SLCO3A1: variants seen among roughly 807,000 people sequenced by gnomAD.
SLCO3A1 encodes solute carrier organic anion transporter family member 3A1, also known as PGE1 transporter.
SLCO3A1 carries 27 observed loss-of-function variants against 63.1 expected under a neutral mutation model. That is an observed-to-expected ratio of 0.43 (90% CI 0.32 to 0.59). The LOEUF is 0.59. SLCO3A1 is among the 20% of genes least tolerant of loss of function. SLCO3A1 has a pLI of 0.09. For missense variants in SLCO3A1, 773 were observed against 945.8 expected (o/e 0.82, Z 2.40); for synonymous variants, 473 against 409.9 (o/e 1.15, Z -1.86).
intron 2 of SLCO3A1, among the ~76,000 whole-genome samples, chr15:92,090,206 C>G (rs1374062275): frequency 6.6e-6 from 1 of 152,156 alleles, no homozygotes; most frequent in East Asian, 1.9e-4. Context: ...AAACTCAGCT[C>G]ACAAAGATGT....
chr15:91,926,396 T>G (rs1471723775), intron 2 of SLCO3A1, among the ~76,000 whole-genome samples: 4 of 152,214 alleles, frequency 2.6e-5, no homozygotes, highest in Non-Finnish European at 5.9e-5. Flanking sequence ...GCTCGTTTAT[T>G]GAATGGAAAA....
At chr15:92,068,611 GCTCCAGTCA>G (rs2047179076) in intron 2 of SLCO3A1, among the ~76,000 whole-genome samples, 1 of 152,078 alleles carries the variant, frequency 6.6e-6, no homozygotes, top group South Asian at 2.1e-4. Flanking sequence ...GGGCCACAAC[GCTCCAGTCA>G]CTTTGATCAA....
At chr15:91,932,771 C>G (rs1486638510) in intron 2 of SLCO3A1, among the ~76,000 whole-genome samples, 1 of 152,188 alleles carries the variant, frequency 6.6e-6, no homozygotes, top group African/African-American at 2.4e-5. Flanking sequence ...AAAGTTATTT[C>G]AAAACATAAT....
chr15:91,997,158 G>A (rs963816604), intron 2 of SLCO3A1, among the ~76,000 whole-genome samples: 1 of 152,130 alleles, frequency 6.6e-6, no homozygotes, highest in African/African-American at 2.4e-5. Context: ...TAAAGTTTCA[G>A]GATGCAAAAT....
chr15:91,879,508 G>A (rs763611102), intron 1 of SLCO3A1, among the ~76,000 whole-genome samples: 5 of 140,642 alleles, frequency 3.6e-5, no homozygotes, highest in East Asian at 2.7e-4. Flanking sequence ...GTATACAACC[G>A]TAGCTACTAT....
At position 91,860,952 on chromosome 15, in the gene SLCO3A1, C is replaced by T. The variant is rs7167553; in HGVS notation, c.180+6864C>T. Reference sequence around the variant, plus strand: ...CCATGGATTCATCCATCTCGGCTTACGGACATACCTTCTGCACAACACCAC... The same window carrying T: ...CCATGGATTCATCCATCTCGGCTTATGGACATACCTTCTGCACAACACCAC... On this transcript the variant is annotated intron_variant, in intron 1 of 9. Coordinates refer to ENST00000318445, the MANE Select transcript of SLCO3A1 (RefSeq NM_013272.4). The surrounding 1 kb of genome is among the most constrained non-coding windows in gnomAD (Gnocchi z 5.5). Among the ~76,000 whole-genome samples, 10,542 of 152,212 alleles carry T rather than the reference C, an allele frequency of 0.069. 1,102 individuals are homozygous for T. The highest frequency in any genetic ancestry group is 0.23 in the African/African-American group (9,381 of 41,478).
rs189878686 is a variant in SLCO3A1 at position 92,136,989 on chromosome 15, A to G, written c.1512+8500A>G. Among the ~76,000 whole-genome samples the G allele has an allele frequency of 6.5e-3, 817 of 126,624 alleles. 5 individuals are homozygous for G. The highest frequency in any genetic ancestry group is 0.022 in the African/African-American group (771 of 34,558). The allele number at this position is 126,624 out of a possible 152,430, so 83.1% of individuals were successfully genotyped here. A position where few individuals can be genotyped will look rare whatever the true frequency, so the allele number is the denominator to read the frequency against. ...CTGTCTTTTTTTTTTTTTTTTAATTATACTTTAAGTTTTAGGGTACATGTG... is the reference window on the plus strand; with the variant it reads ...CTGTCTTTTTTTTTTTTTTTTAATTGTACTTTAAGTTTTAGGGTACATGTG... On this transcript the variant is annotated intron_variant, in intron 7 of 9. Transcript: ENST00000318445.
chr15:91,904,650 C>G (rs540431043), intron 1 of SLCO3A1, among the ~76,000 whole-genome samples: 6 of 152,096 alleles, frequency 3.9e-5, no homozygotes, highest in Admixed American at 2.6e-4. Flanking sequence ...AGAGGCAGGT[C>G]GGGGAAGGTG....
intron 2 of SLCO3A1, among the ~76,000 whole-genome samples, chr15:92,071,275 G>C (rs958159335): frequency 6.6e-6 from 1 of 152,210 alleles, no homozygotes; most frequent in Non-Finnish European, 1.5e-5. Context: ...TGAGGATGAA[G>C]ACAGGTTGCC....
chr15:92,008,115 C>T (rs1378392558), intron 2 of SLCO3A1, among the ~76,000 whole-genome samples: 1 of 152,150 alleles, frequency 6.6e-6, no homozygotes, highest in African/African-American at 2.4e-5. Context: ...ATACTTGGTC[C>T]CTAAATGACC....
intron 7 of SLCO3A1, among the ~76,000 whole-genome samples, chr15:92,137,789 T>G (rs1205507967): frequency 9.6e-6 from 1 of 104,160 alleles, no homozygotes; most frequent in Non-Finnish European, 1.8e-5. Context: ...GAAGTGTCTG[T>G]TCATGTCCTT....
chr15:92,088,114 G>C (rs1163273667), intron 2 of SLCO3A1, among the ~76,000 whole-genome samples: 1 of 152,170 alleles, frequency 6.6e-6, no homozygotes, highest in African/African-American at 2.4e-5. Flanking sequence ...CAACTGGCCA[G>C]GTGAGCCTGG....
chr15:91,929,319 C>T (rs1454021741), intron 2 of SLCO3A1, among the ~76,000 whole-genome samples: 1 of 152,174 alleles, frequency 6.6e-6, no homozygotes. Flanking sequence ...TGTCCTGAAG[C>T]CACATTTTCC....
chr15:92,052,811 AATAC>A (rs1385175216), intron 2 of SLCO3A1, among the ~76,000 whole-genome samples: 9 of 131,608 alleles, frequency 6.8e-5, no homozygotes, highest in Non-Finnish European at 1.5e-4. Context: ...TATTTATATA[AATAC>A]ATTTTAATTT....
At chr15:92,104,589 G>C (rs1465943014) in intron 4 of SLCO3A1, 47 bp downstream of exon 4, 1 of 1,580,868 alleles carries the variant, frequency 6.3e-7, no homozygotes, top group African/African-American at 1.3e-5. Context: ...AGGGGGATTG[G>C]GATGGGGGTG....
intron 10 of SLCO3A1, chr15:92,171,769 T>TC (rs1405745446): frequency 1.6e-5 from 24 of 1,544,384 alleles, no homozygotes; most frequent in Non-Finnish European, 1.9e-5. Flanking sequence ...TCTTCCCTCC[T>TC]CCCCCTTTAG....
At chr15:92,103,074 T>C (rs1567121205) in intron 3 of SLCO3A1, among the ~76,000 whole-genome samples, 1 of 152,190 alleles carries the variant, frequency 6.6e-6, no homozygotes, top group South Asian at 2.1e-4. Flanking sequence ...GCTGGCCTTA[T>C]CATTAATGCT....
chr15:91,926,389 C>T (rs1410228697), intron 2 of SLCO3A1, among the ~76,000 whole-genome samples: 1 of 152,130 alleles, frequency 6.6e-6, no homozygotes, highest in African/African-American at 2.4e-5. Flanking sequence ...TTCAATGGCT[C>T]GTTTATTGAA....
At chr15:92,096,025 A>G (rs1279437535) in intron 3 of SLCO3A1, among the ~76,000 whole-genome samples, 2 of 152,240 alleles carry the variant, frequency 1.3e-5, no homozygotes, top group Non-Finnish European at 2.9e-5. Flanking sequence ...ATTTCTTATC[A>G]TACTGTTTTT....
Sources: allele counts gnomAD v4.1 joint callset (sites outside exome capture counted in the v4.1 genomes callset), GRCh38; gene constraint gnomAD v4.1.1; non-coding constraint Gnocchi (gnomAD v3.1); transcripts MANE v1.5; gene names NCBI Gene and HGNC (gene_info 2026-07-23, HGNC 2026-07-21).